ZNF804B: variants seen among roughly 807,000 people sequenced by gnomAD.
The protein encoded by ZNF804B is zinc finger 804B.
In ZNF804B, 80 loss-of-function variants were observed where a neutral mutation model predicts 101.4. That is an observed-to-expected ratio of 0.79 (90% CI 0.66 to 0.95). ZNF804B has a LOEUF of 0.95. Ranked by LOEUF, ZNF804B falls within the 40% of genes least tolerant of loss-of-function variation. The pLI, the probability that ZNF804B is intolerant of heterozygous loss-of-function variation, is 0.00. For synonymous variants in ZNF804B, 622 were observed against 558.8 expected (o/e 1.11, Z -1.59); for missense variants, 1,673 against 1,561.9 (o/e 1.07, Z -1.20).
intron 2 of ZNF804B, among the ~76,000 whole-genome samples, chr7:89,260,554 G>A (rs919357586): frequency 6.6e-6 from 1 of 151,936 alleles, no homozygotes; most frequent in African/African-American, 2.4e-5. Flanking sequence ...ATCCTTCACT[G>A]TCCTTTTGAT....
At chr7:88,783,320 T>C (rs1283354025) in intron 1 of ZNF804B, among the ~76,000 whole-genome samples, 1 of 152,130 alleles carries the variant, frequency 6.6e-6, no homozygotes. Context: ...AGTAGAAGTG[T>C]AGTCCTGATT....
At chr7:88,986,110 A>C (rs1159978353) in intron 1 of ZNF804B, among the ~76,000 whole-genome samples, 1 of 152,130 alleles carries the variant, frequency 6.6e-6, no homozygotes, top group Non-Finnish European at 1.5e-5. Flanking sequence ...GCCATGAACT[A>C]CATTAATATA....
At chr7:89,041,472 G>A (rs1789016568) in intron 1 of ZNF804B, among the ~76,000 whole-genome samples, 1 of 152,166 alleles carries the variant, frequency 6.6e-6, no homozygotes, top group African/African-American at 2.4e-5. Flanking sequence ...CCAGCCTGGA[G>A]CCTGAGGCCA....
intron 1 of ZNF804B, among the ~76,000 whole-genome samples, chr7:88,782,928 T>C (rs879918125): frequency 9.2e-5 from 14 of 152,188 alleles, no homozygotes; most frequent in Admixed American, 9.2e-4. Flanking sequence ...TTCAACTTAA[T>C]ATTATGTGAG....
intron 1 of ZNF804B, among the ~76,000 whole-genome samples, chr7:88,761,201 C>T (rs773525567): frequency 4.6e-5 from 7 of 152,122 alleles, no homozygotes; most frequent in Non-Finnish European, 8.8e-5. Flanking sequence ...AATCTAAGAT[C>T]AGAAAGTACA....
At chr7:89,242,050 T>C (rs1789380303) in intron 2 of ZNF804B, among the ~76,000 whole-genome samples, 1 of 152,112 alleles carries the variant, frequency 6.6e-6, no homozygotes, top group African/African-American at 2.4e-5. Flanking sequence ...TAGTTACTTT[T>C]ACTCTAAGTT....
Position 88,810,496 on chromosome 7 carries a change from C to G in ZNF804B, c.108+50412C>G, listed in dbSNP as rs538119814. Among the ~76,000 whole-genome samples, 54 of 148,300 alleles carry G rather than the reference C, an allele frequency of 3.6e-4. No individual in the cohort carries two copies. The South Asian group carries it at 7.8e-3, about 21-fold the overall frequency. Reference sequence around the variant, plus strand: ...GGCAAAACCTCATCTCTACAAAAGTCCAAAAAAAAAAAAAAATTATCAAGG... The same window carrying G: ...GGCAAAACCTCATCTCTACAAAAGTGCAAAAAAAAAAAAAAATTATCAAGG... On this transcript the variant is annotated intron_variant, in intron 1 of 3. Transcript: ENST00000333190.
At chr7:89,144,851 G>A (rs1054332425) in intron 1 of ZNF804B, among the ~76,000 whole-genome samples, 4 of 151,814 alleles carry the variant, frequency 2.6e-5, no homozygotes, top group African/African-American at 9.7e-5. Context: ...TTTAGGCTGG[G>A]TGCCTATAAT....
intron 1 of ZNF804B, among the ~76,000 whole-genome samples, chr7:88,813,434 A>G (rs540804251): frequency 7.4e-4 from 112 of 151,646 alleles, no homozygotes; most frequent in Non-Finnish European, 1.4e-3. Flanking sequence ...AAAAAAAAAA[A>G]AAAAGAAAAG....
intron 1 of ZNF804B, among the ~76,000 whole-genome samples, chr7:88,916,365 G>C (rs913009916): frequency 6.6e-6 from 1 of 151,962 alleles, no homozygotes; most frequent in Admixed American, 6.6e-5. Context: ...TGATTATAAG[G>C]TATTTTCTGA....
Position 88,801,339 on chromosome 7 carries a change from A to C in ZNF804B, c.108+41255A>C, listed in dbSNP as rs1419843272. The stretch of plus-strand genomic sequence containing the variant: ...AAAGTAACTTGGAAGCAGTTTGTGG[A>C]GGACTTCTATGCCACGCTCAGAAGT... On this transcript the variant is annotated intron_variant, in intron 1 of 3. Transcript: ENST00000333190. 2.6e-5 allele frequency among the ~76,000 whole-genome samples: 4 copies of C among 151,302 alleles called. No homozygotes were observed. In the East Asian group the frequency reaches 7.8e-4, roughly 29 times the overall value.
chr7:88,934,245 C>T (rs1239630015), intron 1 of ZNF804B, among the ~76,000 whole-genome samples: 1 of 152,000 alleles, frequency 6.6e-6, no homozygotes, highest in Non-Finnish European at 1.5e-5. Flanking sequence ...TCATCTCTCA[C>T]TTTTTACAAA....
At chr7:89,216,197 C>T (rs1788892939) in intron 1 of ZNF804B, among the ~76,000 whole-genome samples, 2 of 152,082 alleles carry the variant, frequency 1.3e-5, no homozygotes. Flanking sequence ...ATCCCAGCTG[C>T]TGGAGGGGCT....
At chr7:89,001,385 G>A (rs1258195810) in intron 1 of ZNF804B, among the ~76,000 whole-genome samples, 12 of 148,810 alleles carry the variant, frequency 8.1e-5, no homozygotes, top group Non-Finnish European at 1.5e-4. Context: ...CTAAATGAAA[G>A]ATTTTATTAG....
Position 88,877,144 on chromosome 7 carries a change from C to T in ZNF804B, c.108+117060C>T, listed in dbSNP as rs1791966964. Among the ~76,000 whole-genome samples the T allele has an allele frequency of 3.6e-5, 5 of 139,204 alleles. No homozygotes were observed. The South Asian group carries it at 1.2e-3, about 33-fold the overall frequency. The allele number at this position is 139,204 out of a possible 152,430, so 91.3% of individuals were successfully genotyped here. The stretch of plus-strand genomic sequence containing the variant: ...GCACGATCTCAGCTCACTGAAACCT[C>T]CACCTCCCAGGTTCAAGTGATTCTC... On this transcript the variant is annotated intron_variant, in intron 1 of 3. Coordinates refer to ENST00000333190, the MANE Select transcript of ZNF804B (RefSeq NM_181646.5).
intron 1 of ZNF804B, among the ~76,000 whole-genome samples, chr7:88,840,279 AATG>A (rs1390628477): frequency 6.6e-6 from 1 of 152,078 alleles, no homozygotes; most frequent in East Asian, 1.9e-4. Context: ...TTTCCTTTCT[AATG>A]ATCATCATCA....
intron 1 of ZNF804B, among the ~76,000 whole-genome samples, chr7:88,877,919 A>C (rs1381508041): frequency 6.6e-6 from 1 of 152,168 alleles, no homozygotes; most frequent in Non-Finnish European, 1.5e-5. Context: ...TCTTCCTTAC[A>C]AAAATAGAGG....
chr7:89,318,797 G>A (rs1790769165), intron 2 of ZNF804B, among the ~76,000 whole-genome samples: 3 of 152,170 alleles, frequency 2.0e-5, no homozygotes, highest in Non-Finnish European at 2.9e-5. Context: ...CTAACCCAGC[G>A]GCGCTAGAGG....
At chr7:89,129,885 A>G (rs1790522375) in intron 1 of ZNF804B, among the ~76,000 whole-genome samples, 1 of 151,994 alleles carries the variant, frequency 6.6e-6, no homozygotes, top group East Asian at 1.9e-4. Context: ...GCCCATGAAG[A>G]CAAAAATATA....
Sources: allele counts gnomAD v4.1 joint callset (sites outside exome capture counted in the v4.1 genomes callset), GRCh38; gene constraint gnomAD v4.1.1; transcripts MANE v1.5; gene names NCBI Gene and HGNC (gene_info 2026-07-23, HGNC 2026-07-21).